TSC2: variants seen among roughly 807,000 people sequenced by gnomAD.
TSC2 encodes the protein tuberin.
Under a neutral mutation model 202.2 loss-of-function variants are expected in TSC2, and 29 were observed. That is an observed-to-expected ratio of 0.14 (90% CI 0.11 to 0.20). TSC2 has a LOEUF of 0.20. TSC2 is among the 10% of genes least tolerant of loss of function. TSC2 has a pLI of 1.00. For missense variants in TSC2, 2,429 were observed against 2,420.0 expected, an observed-to-expected ratio of 1.00 and a Z score of -0.08; for synonymous variants, 1,349 against 1,044.0, an observed-to-expected ratio of 1.29 and a Z score of -5.63.
intron 24 of TSC2, 31 bp from the exon 25 acceptor site, chr16:2,076,460 C>T (rs774083515): frequency 1.3e-5 from 21 of 1,612,304 alleles, no homozygotes; most frequent in African/African-American, 2.7e-5. Flanking sequence ...CATTGCCACC[C>T]CTCACTGTCT....
rs200929189 is a variant in TSC2, at chr16:2,065,682, G to C, written c.1716+47G>C. On this transcript the variant is annotated intron_variant, in intron 16 of 41. Transcript: ENST00000219476. ...TCTGCTCCCGGGGCGCGCATGGCTAGCGTCCACCAGCTGCATCTGCGTTGT... is the reference window on the plus strand; with the variant it reads ...TCTGCTCCCGGGGCGCGCATGGCTACCGTCCACCAGCTGCATCTGCGTTGT... 4.0e-6 allele frequency: 6 copies of C among 1,498,172 alleles called. No homozygotes were observed. In the East Asian group the frequency reaches 6.8e-5, roughly 17 times the overall value. 92.8% of individuals were successfully genotyped at this position (1,498,172 alleles called of 1,614,324 possible). A position where few individuals can be genotyped will look rare whatever the true frequency, so the allele number is the denominator to read the frequency against.
chr16:2,074,468 C>T, intron 22 of TSC2, 79 bp downstream of exon 22: 1 of 1,549,264 alleles, frequency 6.5e-7, no homozygotes, highest in East Asian at 2.3e-5. Context: ...GGTGCCCTCT[C>T]TCAGGACTCC....
intron 17 of TSC2, 106 bp downstream of exon 17, chr16:2,070,684 C>CCGT: frequency 6.5e-7 from 1 of 1,547,986 alleles, no homozygotes. Flanking sequence ...CAGGATGGGG[C>CCGT]CTCAGCTGAC....
At chr16:2,082,722 C>T (rs533194612) in intron 32 of TSC2, 31 of 632,258 alleles carry the variant, frequency 4.9e-5, no homozygotes, top group Middle Eastern at 4.2e-4. Context: ...CCTGTTCCCA[C>T]GCTGTGCGAG....
chr16:2,083,565 AAGC>A (rs1298424457), intron 32 of TSC2, 127 bp from the exon 33 acceptor site: 15 of 1,472,430 alleles, frequency 1.0e-5, no homozygotes, highest in Non-Finnish European at 1.4e-5. Context: ...TGGCAGCAGT[AAGC>A]AGAGCCCTGG....
intron 11 of TSC2, 197 bp downstream of exon 11, chr16:2,061,010 G>A (rs1466238991): frequency 8.6e-6 from 6 of 694,852 alleles, no homozygotes; most frequent in Admixed American, 2.4e-5. Flanking sequence ...GTGGTGCATC[G>A]TTTAGGCCCC....
At position 2,072,297 on chromosome 16, in the gene TSC2, C is replaced by G. The variant is rs878854081; in HGVS notation, c.2154C>G (p.Arg718=). The G allele has an allele frequency of 1.2e-6, 2 of 1,614,166 alleles. No individual in the cohort carries two copies. The highest frequency in any genetic ancestry group is 2.2e-5 in the East Asian group (1 of 44,872). ...LVLGRLPESL[R]YKVLIFTSPC... is the part of the protein sequence containing the mutation. ...TGGGCAGGCTGCCTGAGTCCCTGCG[C>G]TATAAAGTGCTCATCTTTACTTCCC... The change falls in exon 20 of 42, where the codon CGC becomes CGG. Residue 718 remains arginine, a synonymous_variant. Transcript: ENST00000219476.
Position 2,084,997 on chromosome 16 carries a change from T to C in TSC2, c.4540T>C (p.Ser1514Pro). Reference sequence around the variant, plus strand: ...CCATTCCCCCTTCTTTGGCGACGAGTCAAACAAGCCAATCCTGCTGCCCAA... The same window carrying C: ...CCATTCCCCCTTCTTTGGCGACGAGCCAAACAAGCCAATCCTGCTGCCCAA... Reference protein sequence around the residue: ...LYHSPFFGDESNKPILLPNES... With the variant: ...LYHSPFFGDEPNKPILLPNES... The change falls in exon 35 of 42, where the codon TCA becomes CCA. Residue 1514 changes from serine (S) to proline (P), a missense_variant. By Grantham distance (74) the Ser-to-Pro change is moderately conservative (BLOSUM62 -1). Coordinates refer to ENST00000219476, the MANE Select transcript of TSC2 (RefSeq NM_000548.5). The C allele has an allele frequency of 6.2e-7, 1 of 1,613,090 alleles. No homozygotes were observed. The highest frequency in any genetic ancestry group is 1.3e-5 in the African/African-American group (1 of 74,972).
chr16:2,081,423 G>T (rs1289400305), intron 30 of TSC2, 172 bp from the exon 31 acceptor site: 1 of 832,438 alleles, frequency 1.2e-6, no homozygotes, highest in Non-Finnish European at 2.0e-6. Flanking sequence ...GCTGAGCGGG[G>T]CAGCAGGGTG....
intron 22 of TSC2, among the ~76,000 whole-genome samples, chr16:2,075,483 C>T (rs1371401670): frequency 6.2e-5 from 9 of 145,648 alleles, no homozygotes; most frequent in Admixed American, 4.1e-4. Flanking sequence ...GCCGGGATCG[C>T]GCCACTGCAC....
chr16:2,088,889 A>G lies in TSC2; in HGVS notation c.*279A>G, dbSNP rs1012223154. 7.2e-5 allele frequency: 33 copies of G among 455,656 alleles called. No individual in the cohort carries two copies. The highest frequency in any genetic ancestry group is 1.2e-3 in the Middle Eastern group (2 of 1,640). 28.2% of individuals were successfully genotyped at this position (455,656 alleles called of 1,614,324 possible). ...CTCGCGCGTGCGCGCGCGCACACAC[A>G]CACACACACAGTCACCTTCCTCCAC... On this transcript the variant is annotated 3_prime_UTR_variant, in exon 42 of 42. Coordinates refer to ENST00000219476, the MANE Select transcript of TSC2 (RefSeq NM_000548.5).
In TSC2 at chr16:2,048,771, G is replaced by A. The variant is rs966402370; in HGVS notation, c.138+18G>A. The A allele has an allele frequency of 4.3e-6, 7 of 1,613,870 alleles. No individual in the cohort carries two copies. In the Admixed American group the frequency reaches 1.2e-4, roughly 27 times the overall value. On this transcript the variant is annotated intron_variant, in intron 2 of 41. Coordinates refer to ENST00000219476, the MANE Select transcript of TSC2 (RefSeq NM_000548.5). ...TACTGAGAGTGAGTGAGCTACCTGT[G>A]TCTTTGCTAGGCTAGAGGGAAATGC...
chr16:2,062,237 A>G (rs1397463380), intron 12 of TSC2, among the ~76,000 whole-genome samples: 1 of 152,204 alleles, frequency 6.6e-6, no homozygotes, highest in Non-Finnish European at 1.5e-5. Flanking sequence ...GCAAGCTTCC[A>G]TCCGGCTCTG....
Position 2,076,131 on chromosome 16 carries a change from C to T in TSC2, c.2703C>T (p.Arg901=), listed in dbSNP as rs2151388104. The T allele has an allele frequency of 6.2e-7, 1 of 1,613,878 alleles. No homozygotes were observed. The highest frequency in any genetic ancestry group is 2.2e-5 in the East Asian group (1 of 44,884). ...HVIAMWFIRC[R]LPFRKDFVPF... is the part of the protein sequence containing the mutation. Reference sequence around the variant, plus strand: ...TAGCCATGTGGTTCATCAGGTGCCGCCTGCCCTTCCGGAAGGATTTTGTCC... The same window carrying T: ...TAGCCATGTGGTTCATCAGGTGCCGTCTGCCCTTCCGGAAGGATTTTGTCC... The change falls in exon 24 of 42, where the codon CGC becomes CGT. Residue 901 remains arginine, a synonymous_variant. Transcript: ENST00000219476.
At chr16:2,050,866 C>T (rs897170262) in intron 3 of TSC2, among the ~76,000 whole-genome samples, 3 of 151,894 alleles carry the variant, frequency 2.0e-5, no homozygotes, top group Non-Finnish European at 4.4e-5. Context: ...GGATTACAGG[C>T]GTGAGCCACT....
intron 16 of TSC2, among the ~76,000 whole-genome samples, chr16:2,069,755 C>T (rs533688199): frequency 1.3e-5 from 2 of 152,204 alleles, no homozygotes; most frequent in African/African-American, 2.4e-5. Context: ...GCTGGGATTA[C>T]AGGCGTGAGC....
intron 3 of TSC2, among the ~76,000 whole-genome samples, chr16:2,052,069 C>CA (rs908926173): frequency 5.3e-5 from 8 of 151,642 alleles, no homozygotes; most frequent in Admixed American, 2.0e-4. Context: ...TCTCAGAAAA[C>CA]AAAAAAAAGA....
At chr16:2,067,928 A>G (rs1330958655) in intron 16 of TSC2, among the ~76,000 whole-genome samples, 1 of 152,166 alleles carries the variant, frequency 6.6e-6, no homozygotes, top group East Asian at 1.9e-4. Flanking sequence ...GAGGGAAGGA[A>G]AGAGGTTCTG....
At chr16:2,051,244 C>T (rs1051511770) in intron 3 of TSC2, among the ~76,000 whole-genome samples, 3 of 151,020 alleles carry the variant, frequency 2.0e-5, no homozygotes, top group Admixed American at 6.6e-5. Flanking sequence ...CGCTTGAACC[C>T]GGGAGGCACA....
Sources: gnomAD v4.1 joint callset for allele counts (sites outside exome capture counted in the v4.1 genomes callset) on GRCh38, gnomAD v4.1.1 for gene constraint, MANE v1.5 for transcripts, NCBI Gene and HGNC (gene_info 2026-07-23, HGNC 2026-07-21) for gene names.